Variants in SKAP1 observed in about 807,000 individuals in gnomAD.
SKAP1 encodes src kinase-associated phosphoprotein 1.
A neutral mutation model predicts 58.5 loss-of-function variants in SKAP1; 44 were observed. The ratio of observed to expected loss-of-function variants is 0.75; its 90% CI spans 0.59 to 0.97. The LOEUF is 0.97. SKAP1 is among the 50% of genes least tolerant of loss of function. The pLI, the probability that SKAP1 is intolerant of heterozygous loss-of-function variation, is 0.00. For missense variants in SKAP1, 390 were observed against 435.2 expected (o/e 0.90, Z 0.92); for synonymous variants, 127 against 149.7 (o/e 0.85, Z 1.11).
chr17:48,397,546 C>T (rs2067437244), intron 1 of SKAP1, among the ~76,000 whole-genome samples: 1 of 152,016 alleles, frequency 6.6e-6, no homozygotes, highest in Non-Finnish European at 1.5e-5. Context: ...ATTTCATAAA[C>T]ATGTAATATT....
chr17:48,164,007 CAG>C (rs1841162247), intron 10 of SKAP1, among the ~76,000 whole-genome samples: 3 of 152,144 alleles, frequency 2.0e-5, no homozygotes. Context: ...CAGTAGACAA[CAG>C]AGGGCAGCAA....
chr17:48,340,999 A>G (rs2066643573), intron 4 of SKAP1, among the ~76,000 whole-genome samples: 2 of 152,144 alleles, frequency 1.3e-5, no homozygotes, highest in Non-Finnish European at 2.9e-5. Context: ...ATCTATTGGA[A>G]CTCTATTCCC....
intron 10 of SKAP1, among the ~76,000 whole-genome samples, chr17:48,169,704 G>T (rs2064184884): frequency 6.6e-6 from 1 of 152,132 alleles, no homozygotes; most frequent in Non-Finnish European, 1.5e-5. Flanking sequence ...TAGAAATGGG[G>T]GTTTTGCTGG....
At chr17:48,422,766 GCAA>G (rs1172801855) in intron 1 of SKAP1, among the ~76,000 whole-genome samples, 2 of 152,112 alleles carry the variant, frequency 1.3e-5, no homozygotes, top group Admixed American at 6.5e-5. Flanking sequence ...CTAATTCTCG[GCAA>G]CATCCAAAAA....
chr17:48,265,678 G>A (rs1302072104), intron 4 of SKAP1, among the ~76,000 whole-genome samples: 1 of 152,146 alleles, frequency 6.6e-6, no homozygotes. Flanking sequence ...CATCAACAAT[G>A]TGAATAACTC....
intron 1 of SKAP1, among the ~76,000 whole-genome samples, chr17:48,411,782 T>C (rs1352887520): frequency 6.6e-6 from 1 of 152,122 alleles, no homozygotes; most frequent in Non-Finnish European, 1.5e-5. Flanking sequence ...AGACAAATTT[T>C]AATATAGGGG....
chr17:48,316,324 G>A (rs562110294), intron 4 of SKAP1, among the ~76,000 whole-genome samples: 12 of 152,264 alleles, frequency 7.9e-5, no homozygotes, highest in African/African-American at 2.2e-4. Context: ...ATTCCCTGAA[G>A]ACACTCAAAG....
At chr17:48,199,932 G>A (rs549037553) in intron 4 of SKAP1, among the ~76,000 whole-genome samples, 68 of 152,192 alleles carry the variant, frequency 4.5e-4, no homozygotes, top group African/African-American at 1.4e-3. Context: ...GCATATAGCC[G>A]TGCACGTAGG....
chr17:48,181,299 G>T (rs1275885970), intron 8 of SKAP1, among the ~76,000 whole-genome samples: 1 of 152,094 alleles, frequency 6.6e-6, no homozygotes, highest in East Asian at 1.9e-4. Flanking sequence ...GTGGGATTCT[G>T]AAAGTACCAC....
At chr17:48,140,778 CTTT>C (rs35573297) in intron 11 of SKAP1, among the ~76,000 whole-genome samples, 16 of 138,072 alleles carry the variant, frequency 1.2e-4, no homozygotes, top group Middle Eastern at 3.7e-3. Context: ...TCTTCTTCTT[CTTT>C]TTTTTTTTTT....
chr17:48,272,467 T>C (rs1304168584), intron 4 of SKAP1, among the ~76,000 whole-genome samples: 1 of 152,188 alleles, frequency 6.6e-6, no homozygotes, highest in Non-Finnish European at 1.5e-5. Flanking sequence ...TTAGGAATTG[T>C]TGCGATTGCC....
chr17:48,378,317 G>C (rs1049778221), intron 2 of SKAP1, among the ~76,000 whole-genome samples: 1 of 152,190 alleles, frequency 6.6e-6, no homozygotes, highest in South Asian at 2.1e-4. Context: ...CCATCTTCTA[G>C]CTGAGACTTT....
At chr17:48,442,230 T>C in the SKAP1 span, among the ~76,000 whole-genome samples, 2 of 152,066 alleles carry the variant, frequency 1.3e-5, no homozygotes, top group African/African-American at 4.8e-5. Flanking sequence ...GTGGTGTCAA[T>C]TACATAACAG....
intron 4 of SKAP1, among the ~76,000 whole-genome samples, chr17:48,251,833 T>A (rs2065367673): frequency 6.6e-6 from 1 of 152,180 alleles, no homozygotes; most frequent in African/African-American, 2.4e-5. Flanking sequence ...AAATCAGGCA[T>A]GGAGAAGTTA....
chr17:48,443,233 T>C, the SKAP1 span, among the ~76,000 whole-genome samples: 1 of 152,204 alleles, frequency 6.6e-6, no homozygotes, highest in Admixed American at 6.5e-5. Context: ...GCACCTGCTA[T>C]TCAAAACTCA....
At chr17:48,182,861 C>T (rs1330433602) in intron 7 of SKAP1, among the ~76,000 whole-genome samples, 1 of 152,178 alleles carries the variant, frequency 6.6e-6, no homozygotes, top group African/African-American at 2.4e-5. Context: ...CTGTTGTTGC[C>T]TAGAGTAGGT....
chr17:48,357,353 G>A (rs553872819), intron 3 of SKAP1, among the ~76,000 whole-genome samples: 3 of 152,118 alleles, frequency 2.0e-5, no homozygotes, highest in East Asian at 1.9e-4. Context: ...TCTTTTGGCC[G>A]GGTGCAGTGG....
At chr17:48,263,027 T>A (rs899962552) in intron 4 of SKAP1, among the ~76,000 whole-genome samples, 1 of 152,240 alleles carries the variant, frequency 6.6e-6, no homozygotes, top group Non-Finnish European at 1.5e-5. Context: ...AATGTCTGTT[T>A]AAAAGTTTTT....
intron 12 of SKAP1, among the ~76,000 whole-genome samples, chr17:48,134,036 A>G (rs1263976944): frequency 6.6e-6 from 1 of 151,204 alleles, no homozygotes; most frequent in East Asian, 1.9e-4. Context: ...AAATGGGGCA[A>G]ATTTGGCTCC....
Sources: allele counts gnomAD v4.1 joint callset (sites outside exome capture counted in the v4.1 genomes callset), GRCh38; gene constraint gnomAD v4.1.1; transcripts MANE v1.5; gene names NCBI Gene and HGNC (gene_info 2026-07-23, HGNC 2026-07-21).